The following EXOC4 variants were observed in gnomAD, a reference collection of about 807,000 sequenced individuals.
The protein encoded by EXOC4 is exocyst complex component 4, also known as SEC8-like 1.
EXOC4 carries 71 observed loss-of-function variants against 107.2 expected under a neutral mutation model. The ratio of observed to expected loss-of-function variants is 0.66; its 90% CI spans 0.55 to 0.81. The LOEUF (loss-of-function observed/expected upper bound fraction) is 0.81, where lower values mean the gene tolerates loss of function less well. Among genes scored for constraint, EXOC4 ranks in the 30% least tolerant of loss-of-function variants. EXOC4 has a pLI of 0.00. For synonymous variants in EXOC4, 456 were observed against 441.2 expected, an observed-to-expected ratio of 1.03 and a Z score of -0.42; for missense variants, 1,108 against 1,189.6, an observed-to-expected ratio of 0.93 and a Z score of 1.01.
intron 15 of EXOC4, among the ~76,000 whole-genome samples, chr7:134,001,687 G>A (rs368742488): frequency 3.9e-5 from 6 of 152,102 alleles, no homozygotes; most frequent in African/African-American, 1.4e-4. Context: ...GCTCAGGTCT[G>A]ATTATATTAT....
At chr7:133,358,843 G>T (rs1796079210) in intron 6 of EXOC4, among the ~76,000 whole-genome samples, 1 of 151,818 alleles carries the variant, frequency 6.6e-6, no homozygotes, top group Non-Finnish European at 1.5e-5. Flanking sequence ...TATAGCACTA[G>T]AAGTATAATA....
intron 17 of EXOC4, among the ~76,000 whole-genome samples, chr7:134,041,550 T>C (rs1563101701): frequency 6.6e-6 from 1 of 151,690 alleles, no homozygotes; most frequent in South Asian, 2.1e-4. Flanking sequence ...GGTTATCAGC[T>C]TGAACCATTA....
intron 11 of EXOC4, among the ~76,000 whole-genome samples, chr7:133,826,142 T>A (rs1241050063): frequency 1.3e-5 from 2 of 152,218 alleles, no homozygotes; most frequent in Non-Finnish European, 2.9e-5. Context: ...TTTGTTTAGA[T>A]TGTCCAGCAC....
chr7:133,581,142 A>AC (rs920221021), intron 9 of EXOC4, among the ~76,000 whole-genome samples: 7 of 151,932 alleles, frequency 4.6e-5, no homozygotes, highest in South Asian at 2.1e-4. Flanking sequence ...AAATGTTTGG[A>AC]CCCCCCAACT....
rs1799244330 is a variant in EXOC4 at position 133,485,090 on chromosome 7, TA to T, written c.1417+4955del. On this transcript the variant is annotated intron_variant, in intron 9 of 17. Transcript: ENST00000253861. ...GCGAGACTCCGTCTCAAAAAATAAA[TA>T]AATAAATAAATAAATAAATAAATAA... Among the ~76,000 whole-genome samples, 5 of 80,702 alleles carry T rather than the reference TA, an allele frequency of 6.2e-5. No homozygotes were observed. In the South Asian group the frequency reaches 1.7e-3, roughly 28 times the overall value. The allele number at this position is 80,702 out of a possible 152,430, so 52.9% of individuals were successfully genotyped here.
chr7:133,702,563 T>C (rs1794689654), intron 10 of EXOC4, among the ~76,000 whole-genome samples: 1 of 151,332 alleles, frequency 6.6e-6, no homozygotes, highest in African/African-American at 2.4e-5. Context: ...TGGGTTCAGA[T>C]GATCCTCCTG....
chr7:134,053,210 C>T (rs946239144), intron 17 of EXOC4, among the ~76,000 whole-genome samples: 1 of 150,668 alleles, frequency 6.6e-6, no homozygotes, highest in Non-Finnish European at 1.5e-5. Context: ...TGCACTCCAG[C>T]CTGGACGACA....
chr7:133,685,764 A>G (rs1421053545), intron 10 of EXOC4, among the ~76,000 whole-genome samples: 2 of 152,174 alleles, frequency 1.3e-5, no homozygotes, highest in African/African-American at 4.8e-5. Context: ...TAAGGTGTAC[A>G]AGTGCATTTT....
intron 10 of EXOC4, among the ~76,000 whole-genome samples, chr7:133,712,349 G>A (rs1273336052): frequency 6.8e-6 from 1 of 147,078 alleles, no homozygotes; most frequent in Non-Finnish European, 1.5e-5. Context: ...TGAGGCAGGA[G>A]AATCACTTGA....
intron 9 of EXOC4, 46 bp downstream of exon 9, chr7:133,480,184 A>G: frequency 1.9e-6 from 3 of 1,600,986 alleles, no homozygotes; most frequent in Non-Finnish European, 2.6e-6. Context: ...CTGGAGGAGT[A>G]TTTCCTTTAT....
At chr7:134,078,834 T>C in the EXOC4 span, among the ~76,000 whole-genome samples, 2 of 152,358 alleles carry the variant, frequency 1.3e-5, no homozygotes, top group African/African-American at 2.4e-5. Flanking sequence ...ATTATTTTCA[T>C]AGGGGATATA....
intron 9 of EXOC4, among the ~76,000 whole-genome samples, chr7:133,545,612 C>G (rs1027674311): frequency 6.6e-6 from 1 of 152,220 alleles, no homozygotes; most frequent in South Asian, 2.1e-4. Flanking sequence ...ATTACAGATT[C>G]TCCAGTTCAC....
chr7:133,456,269 A>T (rs1798461033), intron 7 of EXOC4, among the ~76,000 whole-genome samples: 1 of 152,176 alleles, frequency 6.6e-6, no homozygotes, highest in African/African-American at 2.4e-5. Flanking sequence ...TAGAGAGGTC[A>T]CCATGTGGCT....
At chr7:133,418,282 C>T (rs566132079) in intron 7 of EXOC4, among the ~76,000 whole-genome samples, 2 of 152,304 alleles carry the variant, frequency 1.3e-5, no homozygotes, top group South Asian at 4.1e-4. Flanking sequence ...TGTAGTTTCT[C>T]TTGCCTCATC....
intron 10 of EXOC4, among the ~76,000 whole-genome samples, chr7:133,750,777 C>T (rs1795779581): frequency 6.6e-6 from 1 of 152,018 alleles, no homozygotes. Flanking sequence ...TAGGGGATCT[C>T]CCTATGTTGC....
In EXOC4 at chr7:133,684,636, G is replaced by A. The variant is rs192252694; in HGVS notation, c.1514+54495G>A. On this transcript the variant is annotated intron_variant, in intron 10 of 17. Coordinates refer to ENST00000253861, the MANE Select transcript of EXOC4 (RefSeq NM_021807.4). ...ATATGTGGTAAATTTCCAGTACAAA[G>A]GAGTTAGAAATGTTGGGTAAAATGC... is the stretch of plus-strand genomic sequence containing the variant. Among the ~76,000 whole-genome samples, 38 of 152,262 alleles carry A rather than the reference G, an allele frequency of 2.5e-4. No individual in the cohort carries two copies. In the East Asian group the frequency reaches 6.6e-3, roughly 26 times the overall value.
At chr7:133,617,952 A>T (rs1421509069) in intron 9 of EXOC4, among the ~76,000 whole-genome samples, 1 of 152,176 alleles carries the variant, frequency 6.6e-6, no homozygotes, top group Non-Finnish European at 1.5e-5. Flanking sequence ...ATTGCTGTAG[A>T]TAAAGATCTA....
At chr7:133,572,897 C>A (rs1237772832) in intron 9 of EXOC4, among the ~76,000 whole-genome samples, 2 of 152,144 alleles carry the variant, frequency 1.3e-5, no homozygotes, top group Non-Finnish European at 2.9e-5. Flanking sequence ...ATCTTAGTTT[C>A]CCACTATGAA....
At chr7:134,002,503 A>G (rs894152410) in intron 15 of EXOC4, among the ~76,000 whole-genome samples, 4 of 152,178 alleles carry the variant, frequency 2.6e-5, no homozygotes, top group African/African-American at 9.6e-5. Flanking sequence ...ACCATTTTTG[A>G]TAGACATTGT....
Sources: allele counts gnomAD v4.1 joint callset (sites outside exome capture counted in the v4.1 genomes callset), GRCh38; gene constraint gnomAD v4.1.1; transcripts MANE v1.5; gene names NCBI Gene and HGNC (gene_info 2026-07-23, HGNC 2026-07-21).